The following DOCK3 variants were observed in gnomAD, a reference collection of about 807,000 sequenced individuals.
DOCK3 encodes dedicator of cytokinesis protein 3.
DOCK3 carries 60 observed loss-of-function variants against 265.6 expected under a neutral mutation model. The observed-to-expected ratio is 0.23, with a 90% CI of 0.18 to 0.28. The LOEUF (loss-of-function observed/expected upper bound fraction) is 0.28. Among genes scored for constraint, DOCK3 ranks in the 10% least tolerant of loss-of-function variants. The probability of loss-of-function intolerance (pLI) is 1.00; values close to 1 mark genes in which losing one functional copy is unlikely to be tolerated. For synonymous variants in DOCK3, 881 were observed against 938.0 expected, an observed-to-expected ratio of 0.94 and a Z score of 1.11; for missense variants, 1,981 against 2,594.3, an observed-to-expected ratio of 0.76 and a Z score of 5.14.
At chr3:50,887,190 G>A (rs1397597824) in intron 3 of DOCK3, among the ~76,000 whole-genome samples, 3 of 152,072 alleles carry the variant, frequency 2.0e-5, no homozygotes, top group Admixed American at 1.3e-4. Flanking sequence ...TATCACCACC[G>A]ATCCCACAGA....
intron 19 of DOCK3, among the ~76,000 whole-genome samples, chr3:51,232,882 G>T (rs1438590275): frequency 3.3e-5 from 5 of 152,150 alleles, no homozygotes; most frequent in African/African-American, 1.2e-4. Context: ...TGAGTATGGA[G>T]TCCTGTCCCT....
intron 12 of DOCK3, among the ~76,000 whole-genome samples, chr3:51,184,026 A>G (rs1465960345): frequency 6.6e-6 from 1 of 152,160 alleles, no homozygotes; most frequent in African/African-American, 2.4e-5. Flanking sequence ...ACAAAAAAAT[A>G]CAGGCCGGGG....
chr3:50,797,146 T>C (rs1487800205), intron 2 of DOCK3, among the ~76,000 whole-genome samples: 1 of 152,144 alleles, frequency 6.6e-6, no homozygotes, highest in East Asian at 1.9e-4. Flanking sequence ...ATGCCGAGGT[T>C]CTTGCCTTTG....
At chr3:51,188,506 A>G (rs1287171647) in intron 12 of DOCK3, among the ~76,000 whole-genome samples, 1 of 152,146 alleles carries the variant, frequency 6.6e-6, no homozygotes, top group Non-Finnish European at 1.5e-5. Flanking sequence ...TAGTGAATCT[A>G]CTCAACTCTC....
intron 4 of DOCK3, among the ~76,000 whole-genome samples, chr3:50,930,712 G>A (rs1026281243): frequency 4.6e-5 from 7 of 152,218 alleles, no homozygotes; most frequent in Non-Finnish European, 8.8e-5. Flanking sequence ...CCTCGGGCCG[G>A]CAATTGGGAG....
At chr3:51,249,137 T>C (rs13079732) in intron 22 of DOCK3, among the ~76,000 whole-genome samples, 2 of 136,426 alleles carry the variant, frequency 1.5e-5, no homozygotes, top group Non-Finnish European at 3.2e-5. Context: ...AGCCGCCCCG[T>C]CCGGGAGGGA....
At chr3:50,872,945 C>T (rs1230272271) in intron 3 of DOCK3, among the ~76,000 whole-genome samples, 1 of 152,220 alleles carries the variant, frequency 6.6e-6, no homozygotes, top group Non-Finnish European at 1.5e-5. Flanking sequence ...GGGCTCCTCC[C>T]TGGTCCAGGA....
chr3:51,270,591 C>T (rs2080442841), intron 23 of DOCK3, among the ~76,000 whole-genome samples: 1 of 152,206 alleles, frequency 6.6e-6, no homozygotes, highest in African/African-American at 2.4e-5. Flanking sequence ...TTATGAAAGC[C>T]TCCAATTGCC....
intron 12 of DOCK3, among the ~76,000 whole-genome samples, chr3:51,165,493 GC>G (rs1475982442): frequency 6.6e-6 from 1 of 152,122 alleles, no homozygotes; most frequent in Non-Finnish European, 1.5e-5. Context: ...ATACAATATA[GC>G]GTTATTAACT....
chr3:50,726,989 CACAA>C (rs1174986643), intron 1 of DOCK3, among the ~76,000 whole-genome samples: 2 of 152,106 alleles, frequency 1.3e-5, no homozygotes, highest in African/African-American at 4.8e-5. Flanking sequence ...CTTAAATATA[CACAA>C]ACAGCTAAAG....
chr3:50,773,441 T>C (rs567969636), intron 1 of DOCK3, among the ~76,000 whole-genome samples: 1 of 152,274 alleles, frequency 6.6e-6, no homozygotes, highest in South Asian at 2.1e-4. Flanking sequence ...AAAGTTTACA[T>C]AGGTTCTGTG....
intron 12 of DOCK3, among the ~76,000 whole-genome samples, chr3:51,201,055 A>G (rs2088723193): frequency 2.0e-5 from 3 of 152,120 alleles, no homozygotes; most frequent in Non-Finnish European, 4.4e-5. Context: ...AACCGGTACC[A>G]GCCGCTGCAA....
intron 1 of DOCK3, among the ~76,000 whole-genome samples, chr3:50,678,498 C>T (rs892060148): frequency 6.6e-6 from 1 of 152,180 alleles, no homozygotes; most frequent in Non-Finnish European, 1.5e-5. Flanking sequence ...CAAGCACCAA[C>T]AGTTTTTAAA....
intron 1 of DOCK3, among the ~76,000 whole-genome samples, chr3:50,694,503 G>A (rs2035478303): frequency 1.3e-5 from 2 of 151,848 alleles, no homozygotes; most frequent in Admixed American, 1.3e-4. Context: ...AATGGGTGGA[G>A]CGCATTAAAG....
intron 22 of DOCK3, among the ~76,000 whole-genome samples, chr3:51,248,935 A>G (rs1168548308): frequency 1.5e-5 from 2 of 132,496 alleles, no homozygotes. Flanking sequence ...CCATCTGAGA[A>G]GTGAGGAGAC....
intron 12 of DOCK3, among the ~76,000 whole-genome samples, chr3:51,166,087 G>C (rs1447208595): frequency 7.5e-6 from 1 of 133,014 alleles, no homozygotes; most frequent in Non-Finnish European, 1.6e-5. Context: ...TCTCACACTT[G>C]TCACCCAGGC....
Position 51,114,763 on chromosome 3 carries a change from C to T in DOCK3, c.746+24379C>T, listed in dbSNP as rs1391991515. Among the ~76,000 whole-genome samples, 9 of 152,228 alleles carry T rather than the reference C, an allele frequency of 5.9e-5. No homozygotes were observed. In the East Asian group the frequency reaches 1.7e-3, roughly 29 times the overall value. On this transcript the variant is annotated intron_variant, in intron 9 of 52. Transcript: ENST00000266037. ...TGGTTTGCTGCACCCATCAACCTGT[C>T]ATTTACATTAGGTATTTCTCCTAAT...
chr3:51,161,455 A>AG (rs1332364275), intron 12 of DOCK3, among the ~76,000 whole-genome samples: 3 of 152,000 alleles, frequency 2.0e-5, no homozygotes, highest in Non-Finnish European at 4.4e-5. Context: ...AAAAAAAAAA[A>AG]GAAAGAAAAA....
intron 9 of DOCK3, among the ~76,000 whole-genome samples, chr3:51,110,176 A>G (rs2083455123): frequency 6.6e-6 from 1 of 152,160 alleles, no homozygotes; most frequent in African/African-American, 2.4e-5. Flanking sequence ...TAAATAGCCT[A>G]CCAGCCAAAT....
Sources: gnomAD v4.1 joint callset for allele counts (sites outside exome capture counted in the v4.1 genomes callset) on GRCh38, gnomAD v4.1.1 for gene constraint, MANE v1.5 for transcripts, NCBI Gene and HGNC (gene_info 2026-07-23, HGNC 2026-07-21) for gene names.